SLC4A10: variants seen among roughly 807,000 people sequenced by gnomAD.
SLC4A10 encodes the protein solute carrier family 4 member 10, also known as sodium-driven chloride bicarbonate exchanger.
A neutral mutation model predicts 137.7 loss-of-function variants in SLC4A10; 42 were observed. That is an observed-to-expected ratio of 0.30 (90% confidence interval 0.24 to 0.39). SLC4A10 has a LOEUF of 0.39. SLC4A10 is among the 10% of genes least tolerant of loss of function. SLC4A10 has a pLI of 1.00. For missense variants in SLC4A10, 925 were observed against 1,355.0 expected, an observed-to-expected ratio of 0.68 and a Z score of 4.98; for synonymous variants, 474 against 464.1, an observed-to-expected ratio of 1.02 and a Z score of -0.27.
At chr2:161,673,017 C>T (rs1393346695) in intron 1 of SLC4A10, among the ~76,000 whole-genome samples, 1 of 152,204 alleles carries the variant, frequency 6.6e-6, no homozygotes, top group Non-Finnish European at 1.5e-5. Context: ...GCGTGTATCA[C>T]GTGCATATGC....
Position 161,774,577 on chromosome 2 carries a change from A to G in SLC4A10, c.130+3523A>G, listed in dbSNP as rs535734897. On this transcript the variant is annotated intron_variant, in intron 2 of 26. Transcript: ENST00000446997. The stretch of plus-strand genomic sequence containing the variant: ...AGCTGAAAGGAGCTGCCTCTTGCCT[A>G]TAGGAGCTGCCTCCCCTGTGGTTTT... Among the ~76,000 whole-genome samples, 82 of 151,862 alleles carry G rather than the reference A, an allele frequency of 5.4e-4. 1 individual carries two copies. Among genetic ancestry groups the G allele is most frequent in the African/African-American group, 1.9e-3 (79 of 41,480 alleles).
chr2:161,701,669 TGA>T lies in SLC4A10; in HGVS notation c.49-69303_49-69302del, dbSNP rs1173365759. Among the ~76,000 whole-genome samples the T allele has an allele frequency of 5.6e-3, 857 of 152,042 alleles. 4 individuals are homozygous for T. The highest frequency in any genetic ancestry group is 0.02 in the African/African-American group (821 of 41,548). ...CTACTATAACAGTGAATACTAGAAC[TGA>T]TTCCTTCTATCTAATTTTATTTTTG... On this transcript the variant is annotated intron_variant, in intron 1 of 26. Transcript: ENST00000446997.
At chr2:161,888,286 G>C (rs778971641) in intron 10 of SLC4A10, among the ~76,000 whole-genome samples, 1 of 152,078 alleles carries the variant, frequency 6.6e-6, no homozygotes, top group Non-Finnish European at 1.5e-5. Flanking sequence ...CTCTATTTTT[G>C]GTTCCATATG....
At chr2:161,667,040 T>C (rs1287833465) in intron 1 of SLC4A10, among the ~76,000 whole-genome samples, 4 of 151,656 alleles carry the variant, frequency 2.6e-5, no homozygotes, top group African/African-American at 7.2e-5. Flanking sequence ...TATAATGAAA[T>C]TGATCACTGT....
chr2:161,937,131 A>G (rs1691721408), intron 15 of SLC4A10, among the ~76,000 whole-genome samples: 3 of 152,142 alleles, frequency 2.0e-5, no homozygotes, highest in African/African-American at 7.2e-5. Flanking sequence ...TAATTTCCAC[A>G]TATTTCTGCA....
At chr2:161,770,093 A>G (rs1050179327) in intron 1 of SLC4A10, among the ~76,000 whole-genome samples, 27 of 151,958 alleles carry the variant, frequency 1.8e-4, no homozygotes, top group South Asian at 2.1e-4. Context: ...TGGAAGCTTC[A>G]TTCACCTTTA....
intron 22 of SLC4A10, 30 bp downstream of exon 22, chr2:161,964,338 T>C: frequency 1.9e-6 from 3 of 1,606,290 alleles, no homozygotes; most frequent in Non-Finnish European, 2.6e-6. Context: ...TATTTTTCTC[T>C]TTCTCTGATT....
intron 26 of SLC4A10, among the ~76,000 whole-genome samples, chr2:161,982,865 C>T (rs1029849897): frequency 7.9e-5 from 12 of 152,206 alleles, no homozygotes; most frequent in African/African-American, 2.7e-4. Context: ...CAACTATCAT[C>T]AGTGAGTCAC....
intron 23 of SLC4A10, among the ~76,000 whole-genome samples, chr2:161,969,547 A>G (rs1179311418): frequency 6.6e-6 from 1 of 152,134 alleles, no homozygotes; most frequent in Non-Finnish European, 1.5e-5. Flanking sequence ...AAGGCTACTT[A>G]CTGTTAAAGG....
chr2:161,726,804 GA>G (rs1354833135), intron 1 of SLC4A10, among the ~76,000 whole-genome samples: 2 of 152,198 alleles, frequency 1.3e-5, no homozygotes, highest in Non-Finnish European at 2.9e-5. Context: ...AGTTACTTGG[GA>G]AGCTGAGGCA....
At chr2:161,799,250 A>G (rs2055119520) in intron 2 of SLC4A10, among the ~76,000 whole-genome samples, 1 of 151,782 alleles carries the variant, frequency 6.6e-6, no homozygotes, top group African/African-American at 2.4e-5. Flanking sequence ...ATTATTCTTT[A>G]TATGTTCTTG....
At chr2:161,889,132 C>T (rs185123166) in intron 10 of SLC4A10, among the ~76,000 whole-genome samples, 31 of 152,088 alleles carry the variant, frequency 2.0e-4, no homozygotes, top group Admixed American at 1.2e-3. Flanking sequence ...CAGGGATGAA[C>T]GAGACTTGAT....
chr2:161,745,276 T>C (rs2048285269), intron 1 of SLC4A10, among the ~76,000 whole-genome samples: 1 of 152,170 alleles, frequency 6.6e-6, no homozygotes, highest in Admixed American at 6.5e-5. Context: ...CTCCTCTGAT[T>C]GTGTATTTAC....
At chr2:161,888,322 C>G (rs1358552632) in intron 10 of SLC4A10, among the ~76,000 whole-genome samples, 1 of 151,402 alleles carries the variant, frequency 6.6e-6, no homozygotes, top group Non-Finnish European at 1.5e-5. Context: ...TTTTCCAATT[C>G]TGCGAAGACA....
chr2:161,767,178 A>ATGTG (rs71009338), intron 1 of SLC4A10, among the ~76,000 whole-genome samples: 364 of 95,930 alleles, frequency 3.8e-3, no homozygotes, highest in Middle Eastern at 0.02. Flanking sequence ...ATTTATATAT[A>ATGTG]TGTGTGTGTG....
At chr2:161,786,323 T>G (rs1284991812) in intron 2 of SLC4A10, among the ~76,000 whole-genome samples, 2 of 151,924 alleles carry the variant, frequency 1.3e-5, no homozygotes, top group Non-Finnish European at 2.9e-5. Context: ...CCTTTCACAT[T>G]AGATGGATCT....
chr2:161,892,130 G>C (rs1038180112), intron 10 of SLC4A10, among the ~76,000 whole-genome samples: 2 of 151,920 alleles, frequency 1.3e-5, no homozygotes, highest in African/African-American at 4.8e-5. Flanking sequence ...ATACCTTTAG[G>C]GAGCTTTAAA....
intron 11 of SLC4A10, among the ~76,000 whole-genome samples, chr2:161,897,452 A>G (rs2105260214): frequency 6.6e-6 from 1 of 152,218 alleles, no homozygotes; most frequent in South Asian, 2.1e-4. Context: ...CCCTGGAATT[A>G]GAAATTTTCC....
chr2:161,655,726 A>G (rs144000254), intron 1 of SLC4A10, among the ~76,000 whole-genome samples: 8 of 152,336 alleles, frequency 5.3e-5, no homozygotes, highest in African/African-American at 1.9e-4. Context: ...CAAAGACATT[A>G]TAAGAGAAAA....
Sources: gnomAD v4.1 joint callset for allele counts (sites outside exome capture counted in the v4.1 genomes callset) on GRCh38, gnomAD v4.1.1 for gene constraint, MANE v1.5 for transcripts, NCBI Gene and HGNC (gene_info 2026-07-23, HGNC 2026-07-21) for gene names.